TTC7A: variants seen among roughly 807,000 people sequenced by gnomAD.
TTC7A encodes tetratricopeptide repeat domain 7A.
TTC7A carries 110 observed loss-of-function variants against 103.7 expected under a neutral mutation model. The ratio of observed to expected loss-of-function variants is 1.06; its 90% CI spans 0.91 to 1.24. The LOEUF (loss-of-function observed/expected upper bound fraction) is 1.24, where lower values mean the gene tolerates loss of function less well. Ranked by LOEUF, TTC7A falls within the 50% of genes most tolerant of loss-of-function variation. The pLI, the probability that TTC7A is intolerant of heterozygous loss-of-function variation, is 0.00. For synonymous variants in TTC7A, 521 were observed against 467.9 expected (o/e 1.11, Z -1.47); for missense variants, 1,340 against 1,116.3 (o/e 1.20, Z -2.86).
At chr2:46,958,462 T>C (rs1215172328) in intron 3 of TTC7A, 2 of 1,300,968 alleles carry the variant, frequency 1.5e-6, no homozygotes, top group Non-Finnish European at 2.0e-6. Flanking sequence ...CAGGATGGAT[T>C]GCCCCCTGTC....
At chr2:47,017,048 A>T (rs939754768) in intron 11 of TTC7A, among the ~76,000 whole-genome samples, 2 of 151,806 alleles carry the variant, frequency 1.3e-5, no homozygotes, top group African/African-American at 4.8e-5. Flanking sequence ...AAAATAACAA[A>T]AATTAGCCAG....
At chr2:46,979,335 A>G (rs1233805929) in intron 5 of TTC7A, among the ~76,000 whole-genome samples, 1 of 152,210 alleles carries the variant, frequency 6.6e-6, no homozygotes, top group Non-Finnish European at 1.5e-5. Context: ...CCCAATGGGA[A>G]GGCAGATTCC....
rs1489684067 is a variant in TTC7A, at chr2:47,075,678, G to C, written c.*1755G>C. On this transcript the variant is annotated 3_prime_UTR_variant, in exon 20 of 20. Coordinates refer to ENST00000319190, the MANE Select transcript of TTC7A (RefSeq NM_020458.4). ...AGGCCAGAGAAGGCATCGAAGCCAA[G>C]ACCTGGGCCCACCTGGGGAGGGATG... The C allele has an allele frequency of 6.6e-6, 1 of 152,476 alleles. No homozygotes were observed. The highest frequency in any genetic ancestry group is 1.5e-5 in the Non-Finnish European group (1 of 68,190). The allele number at this position is 152,476 out of a possible 1,614,324, so 9.4% of individuals were successfully genotyped here. A position where few individuals can be genotyped will look rare whatever the true frequency, so the allele number is the denominator to read the frequency against.
At chr2:47,017,762 G>A (rs1314663577) in intron 11 of TTC7A, among the ~76,000 whole-genome samples, 1 of 152,030 alleles carries the variant, frequency 6.6e-6, no homozygotes, top group African/African-American at 2.4e-5. Context: ...ACAAAAGGCA[G>A]GCAGTAATGT....
chr2:46,963,351 GC>G (rs1305292869), intron 3 of TTC7A, among the ~76,000 whole-genome samples: 1 of 152,256 alleles, frequency 6.6e-6, no homozygotes, highest in Admixed American at 6.5e-5. Flanking sequence ...CTTAGCATGG[GC>G]CCCAAGAAGC....
rs906523542 is a variant in TTC7A, at chr2:46,941,695, C to T, written c.154C>T (p.Pro52Ser). ...CGGCGGAGGTAACAGGCGAGGCAGC[C>T]CGAGCGCAGCGTTCACCTTTCCGGA... ...PGGGGNRRGS[P>S]SAAFTFPDTD... Residue 52 changes from proline to serine, a missense_variant, in exon 1 of 20, where the codon CCG becomes TCG. Pro to Ser is a moderately conservative substitution (Grantham distance 74). Coordinates refer to ENST00000319190, the MANE Select transcript of TTC7A (RefSeq NM_020458.4). The surrounding 1 kb of genome is among the most constrained non-coding windows in gnomAD (Gnocchi z 4.2). 1.8e-5 allele frequency: 28 copies of T among 1,550,728 alleles called. No individual in the cohort carries two copies. In the African/African-American group the frequency reaches 3.6e-4, roughly 20 times the overall value.
At chr2:47,073,121 GCA>G (rs1355050492) in intron 19 of TTC7A, among the ~76,000 whole-genome samples, 1 of 152,054 alleles carries the variant, frequency 6.6e-6, no homozygotes, top group Non-Finnish European at 1.5e-5. Flanking sequence ...CACCGCACAC[GCA>G]CACGTTTGAG....
intron 2 of TTC7A, among the ~76,000 whole-genome samples, chr2:46,935,563 T>G (rs577586989): frequency 1.3e-5 from 2 of 152,270 alleles, no homozygotes; most frequent in Admixed American, 6.5e-5. Context: ...TCACAAAAAT[T>G]GTCTTGATGG....
chr2:46,970,984 T>C (rs1294635405), intron 3 of TTC7A, among the ~76,000 whole-genome samples: 3 of 152,242 alleles, frequency 2.0e-5, no homozygotes, highest in African/African-American at 7.2e-5. Context: ...TCACTGAATC[T>C]GTGTGCATGG....
chr2:47,024,249 C>T, intron 13 of TTC7A, 38 bp from the exon 14 acceptor site: 1 of 1,560,220 alleles, frequency 6.4e-7, no homozygotes, highest in South Asian at 1.2e-5. Context: ...GTCACTCAAC[C>T]CCTGGTGCCT....
intron 8 of TTC7A, among the ~76,000 whole-genome samples, chr2:46,996,459 A>G (rs978390111): frequency 1.3e-5 from 2 of 152,258 alleles, no homozygotes; most frequent in Admixed American, 6.5e-5. Context: ...GCCTGGGACC[A>G]TGCGATGCCA....
chr2:47,051,276 A>G (rs934454188), intron 17 of TTC7A, among the ~76,000 whole-genome samples: 2 of 152,192 alleles, frequency 1.3e-5, no homozygotes, highest in African/African-American at 4.8e-5. Context: ...TTTTATAAAA[A>G]TGTGGTCCTA....
At chr2:47,059,181 C>T (rs981668977) in intron 18 of TTC7A, among the ~76,000 whole-genome samples, 4 of 151,792 alleles carry the variant, frequency 2.6e-5, no homozygotes, top group Admixed American at 2.0e-4. Flanking sequence ...CCACCATGCC[C>T]AGCTAATTTT....
intron 10 of TTC7A, among the ~76,000 whole-genome samples, chr2:47,009,705 T>C (rs1233069359): frequency 1.3e-5 from 2 of 151,856 alleles, no homozygotes; most frequent in East Asian, 3.9e-4. Context: ...GCTGGGGGGA[T>C]ATGAGAGCTA....
At chr2:47,049,345 C>T (rs1258160530) in intron 16 of TTC7A, among the ~76,000 whole-genome samples, 2 of 151,852 alleles carry the variant, frequency 1.3e-5, no homozygotes, top group Non-Finnish European at 2.9e-5. Flanking sequence ...AAAAGAGGAA[C>T]CCCTCCCCCC....
rs575124143 is a variant in TTC7A, at chr2:46,943,700, G to A, written c.184+1975G>A. The stretch of plus-strand genomic sequence containing the variant: ...GGATTGAGAGCTTGTTCTTTTTTGG[G>A]GTTTGATGCAGACTCCCCTGCAGCC... On this transcript the variant is annotated intron_variant, in intron 1 of 19. Transcript: ENST00000319190. Among the ~76,000 whole-genome samples, 119 of 152,054 alleles carry A rather than the reference G, an allele frequency of 7.8e-4. 1 individual carries two copies. Among genetic ancestry groups the A allele is most frequent in the Non-Finnish European group, 1.4e-3 (96 of 67,990 alleles).
chr2:46,916,896 G>C (rs1450770596), intron 1 of TTC7A, among the ~76,000 whole-genome samples: 4 of 151,988 alleles, frequency 2.6e-5, no homozygotes, highest in African/African-American at 7.3e-5. Context: ...GCCTCCCAAA[G>C]TGCTGGGATT....
At chr2:46,941,043 G>GGGCGGCGGC (rs555336676), upstream of TTC7A, 1 of 151,346 alleles carries the variant, frequency 6.6e-6, no homozygotes, top group Non-Finnish European at 1.5e-5. The surrounding 1 kb of genome is among the most constrained non-coding windows in gnomAD (Gnocchi z 4.2). Flanking sequence ...TCCGCGGCGG[G>GGGCGGCGGC]GGCGGCGGCG....
chr2:47,042,664 C>T (rs1391706370), intron 15 of TTC7A, among the ~76,000 whole-genome samples: 1 of 149,920 alleles, frequency 6.7e-6, no homozygotes, highest in Non-Finnish European at 1.5e-5. Context: ...GGTGGTGTGT[C>T]CTGAGCCCCA....
Sources: allele counts gnomAD v4.1 joint callset (sites outside exome capture counted in the v4.1 genomes callset), GRCh38; gene constraint gnomAD v4.1.1; non-coding constraint Gnocchi (gnomAD v3.1); transcripts MANE v1.5; gene names NCBI Gene and HGNC (gene_info 2026-07-23, HGNC 2026-07-21).